The following PRELID2 variants were observed in gnomAD, a reference collection of about 807,000 sequenced individuals.
The protein encoded by PRELID2 is PRELI domain containing 2, also known as PRELI domain-containing protein 2.
Under a neutral mutation model 28.4 loss-of-function variants are expected in PRELID2, and 25 were observed. The ratio of observed to expected loss-of-function variants is 0.88; its 90% CI spans 0.64 to 1.23. The LOEUF (loss-of-function observed/expected upper bound fraction) is 1.23. Among genes scored for constraint, PRELID2 ranks in the 50% most tolerant of loss-of-function variants. The pLI, the probability that PRELID2 is intolerant of heterozygous loss-of-function variation, is 0.00. For synonymous variants in PRELID2, 76 were observed against 71.6 expected, an observed-to-expected ratio of 1.06 and a Z score of -0.31; for missense variants, 201 against 214.4, an observed-to-expected ratio of 0.94 and a Z score of 0.39.
At chr5:145,386,594 T>C in the PRELID2 span, among the ~76,000 whole-genome samples, 5 of 152,266 alleles carry the variant, frequency 3.3e-5, no homozygotes, top group East Asian at 9.7e-4. Flanking sequence ...CTCTTCACTT[T>C]ATAAATTAAC....
intron 1 of PRELID2, among the ~76,000 whole-genome samples, chr5:145,626,897 C>A (rs778019366): frequency 6.6e-6 from 1 of 151,728 alleles, no homozygotes; most frequent in South Asian, 2.1e-4. Context: ...GTCAGGAGTT[C>A]GAGATCAGCC....
At chr5:145,772,220 G>C (rs1281340186) in intron 5 of PRELID2, among the ~76,000 whole-genome samples, 1 of 151,764 alleles carries the variant, frequency 6.6e-6, no homozygotes, top group Non-Finnish European at 1.5e-5. Flanking sequence ...TGAGACCAAG[G>C]CTCAGAGAAA....
At chr5:145,342,298 A>G in the PRELID2 span, among the ~76,000 whole-genome samples, 13 of 152,200 alleles carry the variant, frequency 8.5e-5, no homozygotes, top group Non-Finnish European at 1.8e-4. Context: ...ATTTACTATC[A>G]TGAAAACACA....
intron 1 of PRELID2, among the ~76,000 whole-genome samples, chr5:145,508,151 C>G (rs1376849589): frequency 6.6e-6 from 1 of 151,964 alleles, no homozygotes; most frequent in East Asian, 1.9e-4. Flanking sequence ...ATAATCTTTC[C>G]CAAGAGAAAT....
the PRELID2 span, among the ~76,000 whole-genome samples, chr5:145,306,264 T>C: frequency 6.6e-6 from 1 of 152,218 alleles, no homozygotes; most frequent in Non-Finnish European, 1.5e-5. Flanking sequence ...ATATAACTTA[T>C]GTGAAGTGTG....
chr5:145,252,197 G>A, the PRELID2 span, among the ~76,000 whole-genome samples: 2 of 152,190 alleles, frequency 1.3e-5, no homozygotes, highest in East Asian at 3.9e-4. Flanking sequence ...AGAGGTGATG[G>A]ATGGGAATCT....
the PRELID2 span, among the ~76,000 whole-genome samples, chr5:145,382,811 C>T: frequency 6.6e-6 from 1 of 151,800 alleles, no homozygotes; most frequent in Non-Finnish European, 1.5e-5. Flanking sequence ...CTCAGCATCA[C>T]ACAATATATC....
At chr5:145,746,261 C>T (rs1214053651) in intron 1 of PRELID2, among the ~76,000 whole-genome samples, 1 of 152,132 alleles carries the variant, frequency 6.6e-6, no homozygotes, top group East Asian at 1.9e-4. Flanking sequence ...GTGCTGTATT[C>T]AGGAGACCAA....
intron 1 of PRELID2, among the ~76,000 whole-genome samples, chr5:145,830,201 CA>C (rs1755490118): frequency 6.6e-6 from 1 of 152,126 alleles, no homozygotes; most frequent in South Asian, 2.1e-4. Flanking sequence ...ACATCAGAAA[CA>C]AATGACAAAA....
At chr5:145,467,251 C>G (rs550814754), downstream of PRELID2, among the ~76,000 whole-genome samples, 6 of 152,244 alleles carry the variant, frequency 3.9e-5, no homozygotes, top group Admixed American at 6.5e-5. Flanking sequence ...GAACACAACT[C>G]TAGCCCACCA....
rs912009263 is a variant in PRELID2, at chr5:145,490,831, GACA to G, written n.71-17519_71-17517del. ...GTATTATTTGACACGAATTCTCCAT[GACA>G]ACGACTAACTAAAGCTGAATAGATG... On this transcript the variant is annotated intron_variant and non_coding_transcript_variant, in intron 1 of 2. Coordinates refer to the PRELID2 transcript ENST00000510259. Among the ~76,000 whole-genome samples, 16 of 152,228 alleles carry G rather than the reference GACA, an allele frequency of 1.1e-4. No homozygotes were observed. In the Middle Eastern group the frequency reaches 0.014, roughly 129 times the overall value.
At position 145,768,150 on chromosome 5, in the gene PRELID2, G is replaced by C. The variant is rs189805626; in HGVS notation, c.475-3150C>G. On this transcript the variant is annotated intron_variant, in intron 5 of 6. Coordinates refer to ENST00000683046, the MANE Select transcript of PRELID2 (RefSeq NM_205846.3). ...TAAGACAGGAGAATTGCTTGAACCA[G>C]GGAGGCAAAGGTTGCAGTGAGCCAA... Among the ~76,000 whole-genome samples, 194 of 148,376 alleles carry C rather than the reference G, an allele frequency of 1.3e-3. 1 individual carries two copies. Among genetic ancestry groups the C allele is most frequent in the Non-Finnish European group, 2.4e-3 (159 of 67,594 alleles).
chr5:145,816,655 A>C (rs1358663548), intron 4 of PRELID2, among the ~76,000 whole-genome samples: 1 of 152,156 alleles, frequency 6.6e-6, no homozygotes, highest in East Asian at 1.9e-4. Context: ...GTGGATATCC[A>C]GTTATCTCAG....
the PRELID2 span, among the ~76,000 whole-genome samples, chr5:145,387,363 C>T: frequency 1.3e-5 from 2 of 151,964 alleles, no homozygotes; most frequent in Admixed American, 1.3e-4. Flanking sequence ...ATGACCTCTT[C>T]CATTTAACAG....
intron 1 of PRELID2, among the ~76,000 whole-genome samples, chr5:145,744,857 T>A (rs951088238): frequency 6.6e-6 from 1 of 151,938 alleles, no homozygotes; most frequent in South Asian, 2.1e-4. Context: ...GGACAGGGGA[T>A]GAGATGGAAG....
At chr5:145,298,948 CAG>C in the PRELID2 span, among the ~76,000 whole-genome samples, 2 of 151,902 alleles carry the variant, frequency 1.3e-5, no homozygotes, top group Admixed American at 6.6e-5. Context: ...ATGTATAAAA[CAG>C]AACATTATCA....
At chr5:145,610,059 G>A (rs1479320055) in intron 1 of PRELID2, among the ~76,000 whole-genome samples, 1 of 152,186 alleles carries the variant, frequency 6.6e-6, no homozygotes, top group African/African-American at 2.4e-5. Flanking sequence ...CCTATAAAAT[G>A]CCCAGGTAGC....
chr5:145,280,382 TAC>T, the PRELID2 span, among the ~76,000 whole-genome samples: 10 of 152,160 alleles, frequency 6.6e-5, no homozygotes, highest in Non-Finnish European at 1.5e-4. Flanking sequence ...TAAAAAGAAA[TAC>T]ACTCTACTCA....
At chr5:145,317,951 A>G in the PRELID2 span, among the ~76,000 whole-genome samples, 1 of 152,338 alleles carries the variant, frequency 6.6e-6, no homozygotes, top group African/African-American at 2.4e-5. Context: ...ATTAACAATA[A>G]TAGCAGCTAA....
Sources: gnomAD v4.1 joint callset for allele counts (sites outside exome capture counted in the v4.1 genomes callset) on GRCh38, gnomAD v4.1.1 for gene constraint, MANE v1.5 for transcripts, NCBI Gene and HGNC (gene_info 2026-07-23, HGNC 2026-07-21) for gene names.